SEMA3E: variants seen among roughly 807,000 people sequenced by gnomAD.
SEMA3E encodes semaphorin-3E.
In SEMA3E, 49 loss-of-function variants were observed where a neutral mutation model predicts 93.6. The ratio of observed to expected loss-of-function variants is 0.52; its 90% CI spans 0.42 to 0.66. SEMA3E has a LOEUF of 0.66. Ranked by LOEUF, SEMA3E falls within the 30% of genes least tolerant of loss-of-function variation. The pLI is 0.00. For synonymous variants in SEMA3E, 363 were observed against 330.7 expected (o/e 1.10, Z -1.06); for missense variants, 906 against 964.8 (o/e 0.94, Z 0.81).
At chr7:83,508,157 C>A (rs1475717003) in intron 1 of SEMA3E, among the ~76,000 whole-genome samples, 2 of 152,004 alleles carry the variant, frequency 1.3e-5, no homozygotes, top group Non-Finnish European at 2.9e-5. Context: ...TATTATTATA[C>A]CTGAATTGTT....
Position 83,402,793 on chromosome 7 carries a change from A to T in SEMA3E, c.999-17T>A. 6.2e-7 allele frequency: 1 copy of T among 1,608,088 alleles called. No homozygotes were observed. The highest frequency in any genetic ancestry group is 8.5e-7 in the Non-Finnish European group (1 of 1,176,426). On this transcript the variant is annotated splice_polypyrimidine_tract_variant and intron_variant, in intron 9 of 16. Transcript: ENST00000643230. Reference sequence around the variant, plus strand: ...AAAATATTACTGAAAAATACAAAAAAGATAATTATTCTTCTGGAACTAACT... The same window carrying T: ...AAAATATTACTGAAAAATACAAAAATGATAATTATTCTTCTGGAACTAACT...
At chr7:83,421,961 T>C (rs1402379477) in intron 4 of SEMA3E, among the ~76,000 whole-genome samples, 1 of 152,168 alleles carries the variant, frequency 6.6e-6, no homozygotes, top group Non-Finnish European at 1.5e-5. Context: ...GCACATCACC[T>C]GAGGTTGGGA....
At chr7:83,510,243 T>C (rs1287463141) in intron 1 of SEMA3E, among the ~76,000 whole-genome samples, 1 of 152,150 alleles carries the variant, frequency 6.6e-6, no homozygotes, top group Non-Finnish European at 1.5e-5. Context: ...AATTAGAAAA[T>C]ACTCATAGAC....
intron 16 of SEMA3E, among the ~76,000 whole-genome samples, chr7:83,383,689 G>A (rs1787825791): frequency 6.6e-6 from 1 of 151,940 alleles, no homozygotes; most frequent in African/African-American, 2.4e-5. Context: ...TCAACAATAT[G>A]AGAAAGAACC....
intron 4 of SEMA3E, 34 bp downstream of exon 4, chr7:83,466,448 G>GT: frequency 6.2e-7 from 1 of 1,612,066 alleles, no homozygotes. Context: ...TTTAAGCATT[G>GT]TTTTTATTGA....
chr7:83,437,019 A>T (rs1158725795), intron 4 of SEMA3E, among the ~76,000 whole-genome samples: 1 of 152,092 alleles, frequency 6.6e-6, no homozygotes, highest in South Asian at 2.1e-4. Flanking sequence ...TCACCCTTAT[A>T]ATAACCGTCA....
At chr7:83,478,087 A>AT (rs1229536171) in intron 2 of SEMA3E, among the ~76,000 whole-genome samples, 3 of 151,986 alleles carry the variant, frequency 2.0e-5, no homozygotes, top group South Asian at 2.1e-4. Context: ...CGCCCTGCTA[A>AT]TTTTTTTGTA....
intron 16 of SEMA3E, among the ~76,000 whole-genome samples, chr7:83,370,819 G>C (rs1312165982): frequency 6.6e-6 from 1 of 151,952 alleles, no homozygotes; most frequent in African/African-American, 2.4e-5. Flanking sequence ...TAAATTTCCT[G>C]TGTCATCTTT....
At chr7:83,599,576 G>T (rs983985914) in intron 1 of SEMA3E, among the ~76,000 whole-genome samples, 1 of 152,054 alleles carries the variant, frequency 6.6e-6, no homozygotes, top group African/African-American at 2.4e-5. Context: ...TTATACTCAA[G>T]ATGAATACAA....
chr7:83,412,997 G>C (rs1371444055), intron 5 of SEMA3E, among the ~76,000 whole-genome samples: 1 of 152,066 alleles, frequency 6.6e-6, no homozygotes, highest in Non-Finnish European at 1.5e-5. Context: ...GTGATTAAAA[G>C]AGTGTGTCAA....
chr7:83,454,272 A>AAAAAAAAAATATATAT (rs1257792756), intron 4 of SEMA3E, among the ~76,000 whole-genome samples: 25 of 110,102 alleles, frequency 2.3e-4, no homozygotes, highest in African/African-American at 1.1e-3. Flanking sequence ...AAAAAAAAAA[A>AAAAAAAAAATATATAT]ATATATATAT....
chr7:83,566,520 C>T (rs2115852970), intron 1 of SEMA3E, among the ~76,000 whole-genome samples: 1 of 152,126 alleles, frequency 6.6e-6, no homozygotes, highest in South Asian at 2.1e-4. Flanking sequence ...TGGTATTTGG[C>T]TTTTTTTCCC....
At chr7:83,637,837 A>G (rs763189010) in intron 1 of SEMA3E, among the ~76,000 whole-genome samples, 1 of 126,942 alleles carries the variant, frequency 7.9e-6, no homozygotes, top group Non-Finnish European at 1.7e-5. Flanking sequence ...TTTAACGTAT[A>G]TTTTAGAAAG....
intron 4 of SEMA3E, among the ~76,000 whole-genome samples, chr7:83,460,724 T>C (rs1278402068): frequency 6.6e-6 from 1 of 151,280 alleles, no homozygotes; most frequent in East Asian, 2.0e-4. Flanking sequence ...CCCCGACCTC[T>C]TGTATCTCTG....
chr7:83,470,047 A>G (rs1439266958), intron 2 of SEMA3E, among the ~76,000 whole-genome samples: 2 of 151,948 alleles, frequency 1.3e-5, no homozygotes, highest in African/African-American at 4.8e-5. Context: ...CGGCCTCCCA[A>G]AGTGATTATT....
At chr7:83,535,567 C>T (rs985665045) in intron 1 of SEMA3E, among the ~76,000 whole-genome samples, 1 of 151,936 alleles carries the variant, frequency 6.6e-6, no homozygotes, top group Non-Finnish European at 1.5e-5. Flanking sequence ...CATTAAAGAA[C>T]CTATCAATGA....
At chr7:83,441,143 T>C (rs568199019) in intron 4 of SEMA3E, among the ~76,000 whole-genome samples, 1 of 152,152 alleles carries the variant, frequency 6.6e-6, no homozygotes, top group South Asian at 2.1e-4. Context: ...GCAGGAGGAA[T>C]AGAAAAAGAA....
intron 1 of SEMA3E, among the ~76,000 whole-genome samples, chr7:83,521,945 T>A (rs564370207): frequency 1.3e-5 from 2 of 152,242 alleles, no homozygotes; most frequent in East Asian, 3.9e-4. Context: ...AGCCACGTGA[T>A]ATCTAAAGTC....
chr7:83,452,916 A>G lies in SEMA3E; in HGVS notation c.456+13566T>C, dbSNP rs192173435. Among the ~76,000 whole-genome samples, 446 of 152,318 alleles carry G rather than the reference A, an allele frequency of 2.9e-3. 1 individual carries two copies. The highest frequency in any genetic ancestry group is 9.6e-3 in the African/African-American group (397 of 41,566). ...GCACTGAAAAGTATCTTTTGATTTC[A>G]GTAAAGAAAGCAGAAGAAACAATGT... is the stretch of plus-strand genomic sequence containing the variant. On this transcript the variant is annotated intron_variant, in intron 4 of 16. Transcript: ENST00000643230.
Sources: gnomAD v4.1 joint callset for allele counts (sites outside exome capture counted in the v4.1 genomes callset) on GRCh38, gnomAD v4.1.1 for gene constraint, MANE v1.5 for transcripts, NCBI Gene and HGNC (gene_info 2026-07-23, HGNC 2026-07-21) for gene names.